The following RALGAPA1 variants were observed in gnomAD, a reference collection of about 807,000 sequenced individuals.
The protein encoded by RALGAPA1 is Ral GTPase activating protein catalytic subunit alpha 1, also known as ral GTPase-activating protein subunit alpha-1.
Under a neutral mutation model 269.6 loss-of-function variants are expected in RALGAPA1, and 52 were observed. The observed-to-expected ratio is 0.19, with a 90% CI of 0.15 to 0.24. The LOEUF is 0.24. Ranked by LOEUF, RALGAPA1 falls within the 10% of genes least tolerant of loss-of-function variation. The pLI, the probability that RALGAPA1 is intolerant of heterozygous loss-of-function variation, is 1.00. For synonymous variants in RALGAPA1, 817 were observed against 1,008.3 expected (o/e 0.81, Z 3.60); for missense variants, 1,917 against 3,013.9 (o/e 0.64, Z 8.52).
intron 16 of RALGAPA1, among the ~76,000 whole-genome samples, chr14:35,710,880 A>G (rs934174152): frequency 1.3e-5 from 2 of 152,208 alleles, no homozygotes; most frequent in Non-Finnish European, 2.9e-5. Context: ...TGCAGCCTAG[A>G]AGCAACAGGC....
intron 14 of RALGAPA1, among the ~76,000 whole-genome samples, chr14:35,724,310 A>G (rs2069692477): frequency 6.6e-6 from 1 of 152,186 alleles, no homozygotes; most frequent in African/African-American, 2.4e-5. Context: ...TATATGAAAA[A>G]AAACTCCAAC....
Position 35,539,340 on chromosome 14 carries a change from G to A in RALGAPA1, c.*374C>T. 1 of 682,128 alleles carries A rather than the reference G, an allele frequency of 1.5e-6. No individual in the cohort carries two copies. The highest frequency in any genetic ancestry group is 1.9e-5 in the African/African-American group (1 of 53,530). The allele number at this position is 682,128 out of a possible 1,614,324, so 42.3% of individuals were successfully genotyped here. A position where few individuals can be genotyped will look rare whatever the true frequency, so the allele number is the denominator to read the frequency against. On this transcript the variant is annotated 3_prime_UTR_variant, in exon 42 of 42. Transcript: ENST00000680220. ...CTCAAAATATGGCAGCTTGGATTGT[G>A]GGAAAAAAAATGAAACAATAAATAA...
intron 9 of RALGAPA1, among the ~76,000 whole-genome samples, chr14:35,749,854 A>C (rs1049639842): frequency 6.6e-6 from 1 of 152,176 alleles, no homozygotes. Flanking sequence ...ACATAGTTTA[A>C]GATTTTAAAA....
intron 10 of RALGAPA1, among the ~76,000 whole-genome samples, chr14:35,746,694 A>G (rs571717805): frequency 2.2e-4 from 34 of 152,298 alleles, no homozygotes; most frequent in Admixed American, 7.2e-4. Context: ...AATCATGATA[A>G]AATAAAGTGG....
intron 27 of RALGAPA1, among the ~76,000 whole-genome samples, chr14:35,659,900 T>G (rs1182993150): frequency 6.6e-6 from 1 of 152,046 alleles, no homozygotes; most frequent in Non-Finnish European, 1.5e-5. Context: ...GAAAAAGCAC[T>G]TAAGTAGAAT....
At chr14:35,601,616 T>C (rs1002576652) in intron 36 of RALGAPA1, among the ~76,000 whole-genome samples, 1 of 152,172 alleles carries the variant, frequency 6.6e-6, no homozygotes, top group African/African-American at 2.4e-5. Flanking sequence ...TTGGTGTTTC[T>C]AGGTTGCTGA....
rs1452726001 is a variant in RALGAPA1 at position 35,664,733 on chromosome 14, G to C, written c.5237C>G (p.Ser1746Cys). The C allele has an allele frequency of 6.2e-7, 1 of 1,612,470 alleles. No individual in the cohort carries two copies. The highest frequency in any genetic ancestry group is 8.5e-7 in the Non-Finnish European group (1 of 1,179,472). Reference sequence around the variant, plus strand: ...ATATAAGTTGGGAAAGCAAACCAAAGATCCCAGAAGAACTTGTGCTTCTAC... The same window carrying C: ...ATATAAGTTGGGAAAGCAAACCAAACATCCCAGAAGAACTTGTGCTTCTAC... ...PRVEAQVLLG[S>C]LVCFPNLYCE... is the part of the protein sequence containing the mutation. The change falls in exon 27 of 42, where the codon TCT becomes TGT. Residue 1746 changes from serine (S) to cysteine (C), a missense_variant. Physicochemically the swap from Ser to Cys is moderately radical, Grantham distance 112 (BLOSUM62 -1). Coordinates refer to ENST00000680220, the MANE Select transcript of RALGAPA1 (RefSeq NM_001346249.2).
At chr14:35,745,424 C>CAA (rs540141937) in intron 10 of RALGAPA1, among the ~76,000 whole-genome samples, 1 of 114,784 alleles carries the variant, frequency 8.7e-6, no homozygotes, top group South Asian at 2.3e-4. Flanking sequence ...CACAGACAGA[C>CAA]ACACACACAC....
intron 27 of RALGAPA1, among the ~76,000 whole-genome samples, chr14:35,664,068 T>C (rs997679469): frequency 5.3e-5 from 8 of 152,170 alleles, no homozygotes; most frequent in African/African-American, 1.9e-4. Context: ...ATCTGGTATG[T>C]CTTCTCCTAA....
intron 35 of RALGAPA1, among the ~76,000 whole-genome samples, chr14:35,614,938 A>C (rs1173097534): frequency 1.3e-5 from 2 of 152,130 alleles, no homozygotes; most frequent in East Asian, 1.9e-4. Context: ...TAGGAAAAAA[A>C]CAGAAAATAA....
At chr14:35,610,653 C>T (rs2139296239) in intron 35 of RALGAPA1, among the ~76,000 whole-genome samples, 1 of 152,210 alleles carries the variant, frequency 6.6e-6, no homozygotes, top group African/African-American at 2.4e-5. Context: ...CAAATGAAGA[C>T]ATTGAATTAA....
rs1008773770 is a variant in RALGAPA1, at chr14:35,760,942, T to G, written c.434A>C (p.Lys145Thr). The G allele has an allele frequency of 6.2e-7, 1 of 1,611,266 alleles. No individual in the cohort carries two copies. The highest frequency in any genetic ancestry group is 1.3e-5 in the African/African-American group (1 of 74,844). ...GCATGAAAACATCCAGAGCTGTTCTTTGCTACAGTTATTCTGAAGAGCTTG... is the reference window on the plus strand; with the variant it reads ...GCATGAAAACATCCAGAGCTGTTCTGTGCTACAGTTATTCTGAAGAGCTTG... ...WLQALQNNCS[K>T]EQLWMFSCLI... is the part of the protein sequence containing the mutation. The change falls in exon 6 of 42, where the codon AAA (lysine) becomes ACA (threonine). Residue 145 changes from lysine (K) to threonine (T), a missense_variant. Transcript: ENST00000680220.
chr14:35,730,315 A>C (rs562375301), intron 12 of RALGAPA1, among the ~76,000 whole-genome samples: 1 of 152,256 alleles, frequency 6.6e-6, no homozygotes, highest in South Asian at 2.1e-4. Flanking sequence ...GGCGTGTGGA[A>C]AATGCCACAG....
rs954642494 is a variant in RALGAPA1, at chr14:35,791,129, G to T, written c.107-15384C>A. Among the ~76,000 whole-genome samples, 15 of 152,092 alleles carry T rather than the reference G, an allele frequency of 9.9e-5. 1 individual carries two copies. The highest frequency in any genetic ancestry group is 2.1e-4 in the Non-Finnish European group (14 of 68,048). ...CAAAACAAGAAGAATTTTCAGATGG[G>T]TGCTGAAGTATAATAGCAGCAACAG... On this transcript the variant is annotated intron_variant, in intron 1 of 41. Coordinates refer to ENST00000680220, the MANE Select transcript of RALGAPA1 (RefSeq NM_001346249.2).
intron 37 of RALGAPA1, among the ~76,000 whole-genome samples, chr14:35,580,497 C>T (rs1316194630): frequency 1.3e-5 from 2 of 152,044 alleles, no homozygotes; most frequent in South Asian, 4.1e-4. Flanking sequence ...TATGGTGGTG[C>T]AACATTTCTA....
intron 36 of RALGAPA1, among the ~76,000 whole-genome samples, chr14:35,597,422 C>A (rs950902688): frequency 1.3e-5 from 2 of 152,042 alleles, no homozygotes; most frequent in South Asian, 2.1e-4. Context: ...CAAGTCAATT[C>A]TCTGATAATG....
At chr14:35,555,013 G>C (rs1321660206) in intron 39 of RALGAPA1, among the ~76,000 whole-genome samples, 3 of 152,074 alleles carry the variant, frequency 2.0e-5, no homozygotes, top group Non-Finnish European at 4.4e-5. Flanking sequence ...ACCTTTTAGG[G>C]GGAAATATAG....
At chr14:35,578,938 G>T (rs913168562) in intron 37 of RALGAPA1, among the ~76,000 whole-genome samples, 3 of 152,154 alleles carry the variant, frequency 2.0e-5, no homozygotes, top group African/African-American at 7.2e-5. Flanking sequence ...AGTGGGAGGA[G>T]TCAGATAAAC....
chr14:35,638,403 T>A (rs1374324170), intron 31 of RALGAPA1, among the ~76,000 whole-genome samples: 1 of 152,130 alleles, frequency 6.6e-6, no homozygotes. Context: ...TTGGCATTAG[T>A]TTAAAATAAT....
Sources: gnomAD v4.1 joint callset for allele counts (sites outside exome capture counted in the v4.1 genomes callset) on GRCh38, gnomAD v4.1.1 for gene constraint, MANE v1.5 for transcripts, NCBI Gene and HGNC (gene_info 2026-07-23, HGNC 2026-07-21) for gene names.